The following CCL3L3 variants were observed in gnomAD, a reference collection of about 807,000 sequenced individuals.
The protein encoded by CCL3L3 is C-C motif chemokine 3-like 1.
A neutral mutation model predicts 9.0 loss-of-function variants in CCL3L3; 6 were observed. That is an observed-to-expected ratio of 0.67 (90% CI 0.37 to 1.32). CCL3L3 has a LOEUF of 1.32. Among genes scored for constraint, CCL3L3 ranks in the 40% most tolerant of loss-of-function variants. The pLI is 0.02. For missense variants in CCL3L3, 93 were observed against 117.0 expected (o/e 0.79, Z 0.95); for synonymous variants, 38 against 45.7 (o/e 0.83, Z 0.68).
chr17:36,196,355 C>T, intron 1 of CCL3L3: 1 of 698,810 alleles, frequency 1.4e-6, no homozygotes, highest in South Asian at 1.5e-5. Flanking sequence ...CCCTGTTTTT[C>T]TATCTGTACA....
At chr17:36,196,397 T>C in intron 1 of CCL3L3, 2 of 762,374 alleles carry the variant, frequency 2.6e-6, no homozygotes, top group Non-Finnish European at 4.7e-6. Context: ...CCTGCCTAGA[T>C]TCTCATACCT....
chr17:36,195,659 A>G, intron 2 of CCL3L3, 139 bp downstream of exon 2: 3 of 1,244,688 alleles, frequency 2.4e-6, no homozygotes, highest in Non-Finnish European at 2.4e-6. Context: ...AAGTCAGGTC[A>G]CACCTCAGTG....
chr17:36,195,141 A>T lies in CCL3L3; in HGVS notation c.*145T>A. ...AAATAAATTAAAATTTAAGTTAAGAAGAGTCCCACAGTGTGGCTGTTTGGC... is the reference window on the plus strand; with the variant it reads ...AAATAAATTAAAATTTAAGTTAAGATGAGTCCCACAGTGTGGCTGTTTGGC... On this transcript the variant is annotated 3_prime_UTR_variant, in exon 3 of 3. Transcript: ENST00000619989. The T allele has an allele frequency of 1.1e-6, 1 of 896,386 alleles. No individual in the cohort carries two copies. 55.5% of individuals were successfully genotyped at this position (896,386 alleles called of 1,614,324 possible).
chr17:36,196,700 G>T lies in CCL3L3; in HGVS notation c.-27C>A. 1.3e-6 allele frequency: 2 copies of T among 1,576,956 alleles called. 1 individual carries two copies. The highest frequency in any genetic ancestry group is 2.3e-5 in the South Asian group (2 of 88,792). On this transcript the variant is annotated 5_prime_UTR_variant, in exon 1 of 3. Transcript: ENST00000619989. ...ATTGGGAGCAGGTGATGGAATGTGG[G>T]CTCGAGTGTCAGCAGAGCCAAGAAG...
At chr17:36,196,480 G>A (rs2068622155) in intron 1 of CCL3L3, 118 bp downstream of exon 1, 2 of 1,252,942 alleles carry the variant, frequency 1.6e-6, no homozygotes, top group Non-Finnish European at 2.3e-6. Context: ...AAGGTGTTTG[G>A]CAGCGCTTTA....
rs2068604505 is a variant in CCL3L3 at position 36,194,952 on chromosome 17, C to G, written c.*334G>C. On this transcript the variant is annotated 3_prime_UTR_variant, in exon 3 of 3. Transcript: ENST00000619989. ...AAGCATCTGATACACATTTGTCAGTCTGGTGGCTTTGGTGCCATGACTGCC... is the reference window on the plus strand; with the variant it reads ...AAGCATCTGATACACATTTGTCAGTGTGGTGGCTTTGGTGCCATGACTGCC... The G allele has an allele frequency of 2.5e-5, 8 of 321,272 alleles. No homozygotes were observed. The allele number at this position is 321,272 out of a possible 1,614,324, so 19.9% of individuals were successfully genotyped here.
intron 1 of CCL3L3, 51 bp from the exon 2 acceptor site, chr17:36,195,963 C>A: frequency 8.3e-7 from 1 of 1,208,412 alleles, no homozygotes; most frequent in South Asian, 1.5e-5. Flanking sequence ...AAGAAAAGGC[C>A]AGGCAGCTTC....
At chr17:36,196,097 A>T (rs1220522800) in intron 1 of CCL3L3, 185 bp from the exon 2 acceptor site, 1 of 714,030 alleles carries the variant, frequency 1.4e-6, no homozygotes, top group Admixed American at 2.3e-5. Flanking sequence ...TTGACTCTTC[A>T]TAGTGGGTTC....
rs1311981550 is a variant in CCL3L3 at position 36,195,182 on chromosome 17, G to A, written c.*104C>T. 2 of 1,312,792 alleles carry A rather than the reference G, an allele frequency of 1.5e-6. No homozygotes were observed. The highest frequency in any genetic ancestry group is 2.2e-6 in the Non-Finnish European group (2 of 907,132). The allele number at this position is 1,312,792 out of a possible 1,614,324, so 81.3% of individuals were successfully genotyped here. On this transcript the variant is annotated 3_prime_UTR_variant, in exon 3 of 3. Transcript: ENST00000619989. The stretch of plus-strand genomic sequence containing the variant: ...GCTGTTTGGCAATAACCAGTCCATA[G>A]AAGAGGTAGCTGTGGAGGTCACACG...
intron 1 of CCL3L3, 63 bp from the exon 2 acceptor site, chr17:36,195,975 G>T: frequency 7.6e-7 from 1 of 1,324,246 alleles, no homozygotes; most frequent in African/African-American, 1.7e-5. Context: ...GGCAGCTTCT[G>T]ATCCCTGAGT....
At position 36,196,648 on chromosome 17, in the gene CCL3L3, G is replaced by T. The variant is rs1302026855; in HGVS notation, c.26C>A (p.Ala9Asp). The change falls in exon 1 of 3, where the codon GCC (alanine) becomes GAC (aspartate). Residue 9 changes from alanine to aspartate, a missense_variant. By Grantham distance (126) the Ala-to-Asp change is moderately radical. Transcript: ENST00000619989. MQVSTAALAVLLCTMALCN... is the reference protein window; with the variant it reads MQVSTAALDVLLCTMALCN... ...GAGAGCCATGGTGCAGAGGAGGACG[G>T]CAAGGGCAGCAGTGGAGACCTGCAT... The T allele has an allele frequency of 9.5e-6, 15 of 1,581,032 alleles. 1 individual carries two copies. Among genetic ancestry groups the T allele is most frequent in the Non-Finnish European group, 1.3e-5 (15 of 1,156,412 alleles).
At position 36,196,581 on chromosome 17, in the gene CCL3L3, C is replaced by A. The variant is rs1485304103; in HGVS notation, c.76+17G>T. The A allele has an allele frequency of 6.3e-7, 1 of 1,580,596 alleles. No individual in the cohort carries two copies. ...GGCCAGAGAGTGGTGATACCCACAA[C>A]AACAACATGGACTCACGTGGTGCAG... On this transcript the variant is annotated intron_variant, in intron 1 of 2. Transcript: ENST00000619989.
chr17:36,195,994 AG>A (rs2068617228), intron 1 of CCL3L3, 82 bp from the exon 2 acceptor site: 2 of 1,343,324 alleles, frequency 1.5e-6, no homozygotes, highest in Non-Finnish European at 1.0e-6. Context: ...GTGGTTGAGG[AG>A]GGCAGGCTTG....
In CCL3L3 at chr17:36,196,755, T is replaced by C; in HGVS notation, c.-82A>G. 2 of 1,455,720 alleles carry C rather than the reference T, an allele frequency of 1.4e-6. No individual in the cohort carries two copies. Among genetic ancestry groups the C allele is most frequent in the Non-Finnish European group, 1.9e-6 (2 of 1,048,998 alleles). 90.2% of individuals were successfully genotyped at this position (1,455,720 alleles called of 1,614,324 possible). On this transcript the variant is annotated 5_prime_UTR_variant, in exon 1 of 3. Transcript: ENST00000619989. Reference sequence around the variant, plus strand: ...TGACTACTCTTTGCTGCCTGCGTCCTTCTGATGTCTGAAGCCATCTCTCCT... The same window carrying C: ...TGACTACTCTTTGCTGCCTGCGTCCCTCTGATGTCTGAAGCCATCTCTCCT...
chr17:36,195,609 G>T (rs2068612281), intron 2 of CCL3L3, 189 bp downstream of exon 2: 1 of 1,040,872 alleles, frequency 9.6e-7, no homozygotes, highest in East Asian at 2.4e-5. Context: ...GCCTGGGGCA[G>T]CCCTTCCTGA....
At chr17:36,195,450 A>G in intron 2 of CCL3L3, 74 bp from the exon 3 acceptor site, 1 of 1,525,686 alleles carries the variant, frequency 6.6e-7, no homozygotes, top group Admixed American at 1.7e-5. Context: ...TGGCCCTGAC[A>G]TCCTGCTCTC....
chr17:36,195,401 A>C, intron 2 of CCL3L3, 25 bp from the exon 3 acceptor site: 1 of 1,578,502 alleles, frequency 6.3e-7, no homozygotes, highest in South Asian at 1.1e-5. Flanking sequence ...GGAAGAGTTA[A>C]GCACTGGGGA....
At position 36,194,934 on chromosome 17, in the gene CCL3L3, T is replaced by A. The variant is rs1443937643; in HGVS notation, c.*352A>T. 3.5e-6 allele frequency: 1 copy of A among 289,418 alleles called. No homozygotes were observed. The highest frequency in any genetic ancestry group is 7.1e-6 in the Non-Finnish European group (1 of 141,176). 17.9% of individuals were successfully genotyped at this position (289,418 alleles called of 1,614,324 possible). The stretch of plus-strand genomic sequence containing the variant: ...GATCACAGCCCTGAACAAAAGCATC[T>A]GATACACATTTGTCAGTCTGGTGGC... On this transcript the variant is annotated 3_prime_UTR_variant, in exon 3 of 3. Coordinates refer to ENST00000619989, the MANE Select transcript of CCL3L3 (RefSeq NM_001001437.4).
chr17:36,195,868 G>T lies in CCL3L3; in HGVS notation c.121C>A (p.Arg41=). ...PTACCFSYTS[R]QIPQNFIADY... Reference sequence around the variant, plus strand: ...GCTATGAAATTCTGTGGAATCTGTCGGGAGGTGTAGCTGAAGCAGCAGGCG... The same window carrying T: ...GCTATGAAATTCTGTGGAATCTGTCTGGAGGTGTAGCTGAAGCAGCAGGCG... Residue 41 remains arginine, a synonymous_variant, in exon 2 of 3, where the codon CGA becomes AGA. Coordinates refer to ENST00000619989, the MANE Select transcript of CCL3L3 (RefSeq NM_001001437.4). 2.5e-6 allele frequency: 4 copies of T among 1,583,014 alleles called. 1 individual carries two copies. Among genetic ancestry groups the T allele is most frequent in the Non-Finnish European group, 3.5e-6 (4 of 1,157,776 alleles).
Sources: allele counts gnomAD v4.1 joint callset, GRCh38; gene constraint gnomAD v4.1.1; transcripts MANE v1.5; gene names NCBI Gene and HGNC (gene_info 2026-07-23, HGNC 2026-07-21).